Variants in SLC25A33 observed in about 807,000 individuals in gnomAD.
SLC25A33 encodes solute carrier family 25 member 33.
A neutral mutation model predicts 35.5 loss-of-function variants in SLC25A33; 15 were observed. The observed-to-expected ratio is 0.42, with a 90% CI of 0.28 to 0.65. The LOEUF is 0.65. Among genes scored for constraint, SLC25A33 ranks in the 30% least tolerant of loss-of-function variants. The pLI is 0.20. For synonymous variants in SLC25A33, 136 were observed against 148.7 expected, an observed-to-expected ratio of 0.91 and a Z score of 0.62; for missense variants, 257 against 398.5, an observed-to-expected ratio of 0.64 and a Z score of 3.02.
In SLC25A33 at chr1:9,582,916, C is replaced by A; in HGVS notation, c.*415C>A. On this transcript the variant is annotated 3_prime_UTR_variant, in exon 7 of 7. Coordinates refer to ENST00000302692, the MANE Select transcript of SLC25A33 (RefSeq NM_032315.3). The surrounding 1 kb of genome is among the most constrained non-coding windows in gnomAD (Gnocchi z 4.0). ...AATCTGACTTTAAGATCTTGCACTG[C>A]TAGACAGGGAAGAAGTGTCGCATTT... 1 of 169,978 alleles carries A rather than the reference C, an allele frequency of 5.9e-6. No individual in the cohort carries two copies. Among genetic ancestry groups the A allele is most frequent in the Non-Finnish European group, 1.3e-5 (1 of 79,556 alleles). The allele number at this position is 169,978 out of a possible 1,614,324, so 10.5% of individuals were successfully genotyped here.
chr1:9,541,683 G>A (rs1432972326), intron 1 of SLC25A33, among the ~76,000 whole-genome samples: 1 of 147,828 alleles, frequency 6.8e-6, no homozygotes, highest in Non-Finnish European at 1.5e-5. Flanking sequence ...TAAACAACTT[G>A]GCCATTTTTT....
At chr1:9,551,689 GA>G (rs1001725701) in intron 1 of SLC25A33, among the ~76,000 whole-genome samples, 2 of 152,140 alleles carry the variant, frequency 1.3e-5, no homozygotes, top group Non-Finnish European at 2.9e-5. Flanking sequence ...AGTCTAATGA[GA>G]AAGACTTTTT....
intron 5 of SLC25A33, among the ~76,000 whole-genome samples, chr1:9,576,101 T>G (rs570550702): frequency 6.6e-6 from 1 of 152,384 alleles, no homozygotes; most frequent in Admixed American, 6.5e-5. Context: ...CTTGTCATTC[T>G]GCCTAATGAT....
chr1:9,564,206 A>G (rs1191932467), intron 2 of SLC25A33, among the ~76,000 whole-genome samples: 2 of 152,238 alleles, frequency 1.3e-5, no homozygotes, highest in South Asian at 2.1e-4. Context: ...AATGTTCCAT[A>G]CAATCCTTTC....
At chr1:9,541,688 T>C (rs1363309145) in intron 1 of SLC25A33, among the ~76,000 whole-genome samples, 1 of 129,332 alleles carries the variant, frequency 7.7e-6, no homozygotes, top group Non-Finnish European at 1.5e-5. Context: ...AACTTGGCCA[T>C]TTTTTTTTTT....
At chr1:9,570,410 C>A in intron 4 of SLC25A33, 52 bp downstream of exon 4, 3 of 1,453,276 alleles carry the variant, frequency 2.1e-6, no homozygotes, top group Non-Finnish European at 2.9e-6. Context: ...TTTTCTAAAG[C>A]ATGCATTGTG....
intron 1 of SLC25A33, among the ~76,000 whole-genome samples, chr1:9,550,012 T>TGTA (rs55887722): frequency 3.0e-5 from 1 of 33,844 alleles, no homozygotes; most frequent in East Asian, 5.6e-4. Flanking sequence ...TATATATATA[T>TGTA]TTTTTTTTTT....
At chr1:9,544,464 TCAC>T (rs1320182432) in intron 1 of SLC25A33, among the ~76,000 whole-genome samples, 1 of 151,954 alleles carries the variant, frequency 6.6e-6, no homozygotes, top group East Asian at 1.9e-4. Context: ...AGACCAGGTT[TCAC>T]CATGTTGGCC....
chr1:9,550,216 A>G (rs1643247036), intron 1 of SLC25A33, among the ~76,000 whole-genome samples: 1 of 148,788 alleles, frequency 6.7e-6, no homozygotes, highest in Non-Finnish European at 1.5e-5. Flanking sequence ...GTAACAGAGG[A>G]AGACCTTCTC....
rs116614483 is a variant in SLC25A33 at position 9,557,478 on chromosome 1, G to C, written c.236+3673G>C. The stretch of plus-strand genomic sequence containing the variant: ...AAGGGCCAATGCAAATGGATTGCTT[G>C]AGCTGAGCCCAGGAGTTTGAGACCA... On this transcript the variant is annotated intron_variant, in intron 2 of 6. Coordinates refer to ENST00000302692, the MANE Select transcript of SLC25A33 (RefSeq NM_032315.3). Among the ~76,000 whole-genome samples, 502 of 152,210 alleles carry C rather than the reference G, an allele frequency of 3.3e-3. 3 individuals are homozygous for C. Among genetic ancestry groups the C allele is most frequent in the African/African-American group, 0.011 (468 of 41,534 alleles).
In SLC25A33 at chr1:9,576,051, G is replaced by C. The variant is rs373398314; in HGVS notation, c.482+2639G>C. ...ACTCATATCACTTCTGTTTAGCAAG[G>C]GATAAATGCGTCCATCAGCTGAGAG... On this transcript the variant is annotated intron_variant, in intron 5 of 6. Coordinates refer to ENST00000302692, the MANE Select transcript of SLC25A33 (RefSeq NM_032315.3). Among the ~76,000 whole-genome samples, 3 of 152,108 alleles carry C rather than the reference G, an allele frequency of 2.0e-5. No individual in the cohort carries two copies. The South Asian group carries it at 6.2e-4, about 32-fold the overall frequency.
At chr1:9,575,108 G>A (rs1643642695) in intron 5 of SLC25A33, among the ~76,000 whole-genome samples, 1 of 149,096 alleles carries the variant, frequency 6.7e-6, no homozygotes, top group African/African-American at 2.5e-5. Flanking sequence ...AGCTACTTGG[G>A]AGACTGAGGC....
intron 3 of SLC25A33, among the ~76,000 whole-genome samples, chr1:9,570,019 A>G (rs1206616059): frequency 6.6e-6 from 1 of 152,078 alleles, no homozygotes; most frequent in Admixed American, 6.6e-5. Context: ...CCCAAATCTC[A>G]CTTTCCTCAA....
chr1:9,565,244 A>AT, intron 2 of SLC25A33, among the ~76,000 whole-genome samples: 1 of 152,198 alleles, frequency 6.6e-6, no homozygotes, highest in South Asian at 2.1e-4. Context: ...AATGGTTACA[A>AT]TGTGGCTCTC....
intron 2 of SLC25A33, among the ~76,000 whole-genome samples, chr1:9,565,444 AG>A: frequency 6.6e-6 from 1 of 151,276 alleles, no homozygotes; most frequent in South Asian, 2.1e-4. Flanking sequence ...TGAACCTGGG[AG>A]GCGGAGCTTG....
chr1:9,570,708 T>TC (rs1643578161), intron 4 of SLC25A33, among the ~76,000 whole-genome samples: 3 of 143,236 alleles, frequency 2.1e-5, no homozygotes, highest in South Asian at 4.6e-4. Context: ...TATAGTTTTT[T>TC]TTTTTTTTTT....
At chr1:9,567,465 G>A (rs1569865586) in intron 3 of SLC25A33, 104 bp downstream of exon 3, 1 of 1,051,690 alleles carries the variant, frequency 9.5e-7, no homozygotes, top group South Asian at 1.5e-5. Flanking sequence ...CTTTTTCTAT[G>A]TTGGATTTGC....
At chr1:9,563,905 C>G (rs377040924) in intron 2 of SLC25A33, among the ~76,000 whole-genome samples, 1 of 151,998 alleles carries the variant, frequency 6.6e-6, no homozygotes, top group Non-Finnish European at 1.5e-5. Flanking sequence ...GTGATCCACC[C>G]GCTTCGGCCT....
At chr1:9,544,237 A>C (rs1306467596) in intron 1 of SLC25A33, among the ~76,000 whole-genome samples, 1 of 152,120 alleles carries the variant, frequency 6.6e-6, no homozygotes, top group Non-Finnish European at 1.5e-5. Flanking sequence ...TTGTCCTGCA[A>C]ATTAAATCTT....
Sources: allele counts gnomAD v4.1 joint callset (sites outside exome capture counted in the v4.1 genomes callset), GRCh38; gene constraint gnomAD v4.1.1; non-coding constraint Gnocchi (gnomAD v3.1); transcripts MANE v1.5; gene names NCBI Gene and HGNC (gene_info 2026-07-23, HGNC 2026-07-21).